The following ASIC2 variants were observed in gnomAD, a reference collection of about 807,000 sequenced individuals.
ASIC2 encodes the protein acid-sensing ion channel 2.
In ASIC2, 25 loss-of-function variants were observed where a neutral mutation model predicts 57.3. The observed-to-expected ratio is 0.44, with a 90% CI of 0.32 to 0.61. The LOEUF is 0.61. ASIC2 is among the 20% of genes least tolerant of loss of function. The probability of loss-of-function intolerance (pLI) is 0.06; values close to 1 mark genes in which losing one functional copy is unlikely to be tolerated. For missense variants in ASIC2, 641 were observed against 738.1 expected, an observed-to-expected ratio of 0.87 and a Z score of 1.52; for synonymous variants, 319 against 307.5, an observed-to-expected ratio of 1.04 and a Z score of -0.39.
intron 1 of ASIC2, among the ~76,000 whole-genome samples, chr17:33,799,438 CTTTCTTTCTTTCT>C (rs1912049882): frequency 3.5e-4 from 16 of 46,088 alleles, no homozygotes; most frequent in African/African-American, 1.0e-3. Flanking sequence ...TTCTTTCTTT[CTTTCTTTCTTTCT>C]TTCTTTCTTT....
Position 33,766,616 on chromosome 17 carries a change from T to C in ASIC2, c.555+389362A>G, listed in dbSNP as rs141770116. ...ACATATCTGCATGTGTAATGTAGCA[T>C]CCTAAATGTGGGATTATTATTATTA... On this transcript the variant is annotated intron_variant, in intron 1 of 9. Coordinates refer to the ASIC2 transcript ENST00000359872. Among the ~76,000 whole-genome samples, 1,275 of 152,340 alleles carry C rather than the reference T, an allele frequency of 8.4e-3. 15 individuals carry two copies. The highest frequency in any genetic ancestry group is 0.029 in the African/African-American group (1,193 of 41,562).
chr17:33,533,252 AG>A (rs1915112568), intron 1 of ASIC2, among the ~76,000 whole-genome samples: 1 of 152,190 alleles, frequency 6.6e-6, no homozygotes, highest in Non-Finnish European at 1.5e-5. Context: ...AGGCTGAGGC[AG>A]GAGAATCGCT....
chr17:33,353,391 C>A (rs1236055034), intron 1 of ASIC2, among the ~76,000 whole-genome samples: 1 of 152,140 alleles, frequency 6.6e-6, no homozygotes, highest in Non-Finnish European at 1.5e-5. Context: ...GGCTGGAGTG[C>A]AGTGGTGCAA....
At chr17:34,078,636 G>T (rs1055416415) in intron 1 of ASIC2, among the ~76,000 whole-genome samples, 12 of 152,166 alleles carry the variant, frequency 7.9e-5, no homozygotes, top group African/African-American at 2.9e-4. Context: ...GAAACATGGG[G>T]ATGGGGCTGG....
chr17:33,879,519 T>C (rs1441299066), intron 1 of ASIC2, among the ~76,000 whole-genome samples: 1 of 152,158 alleles, frequency 6.6e-6, no homozygotes, highest in Non-Finnish European at 1.5e-5. Flanking sequence ...GGCCATTACA[T>C]AATGGTAAAG....
chr17:33,299,103 T>A (rs1905842332), intron 1 of ASIC2, among the ~76,000 whole-genome samples: 1 of 152,178 alleles, frequency 6.6e-6, no homozygotes, highest in African/African-American at 2.4e-5. Context: ...AAAGTTCATA[T>A]GGAACCAAAA....
intron 1 of ASIC2, among the ~76,000 whole-genome samples, chr17:33,348,336 A>ATG (rs1007627685): frequency 6.6e-6 from 1 of 151,920 alleles, no homozygotes; most frequent in Admixed American, 6.6e-5. Flanking sequence ...CTGCGTGTGT[A>ATG]TGTGTGTGTG....
At position 33,639,414 on chromosome 17, in the gene ASIC2, C is replaced by G. The variant is rs1180596482; in HGVS notation, c.555+516564G>C. 3.3e-5 allele frequency among the ~76,000 whole-genome samples: 5 copies of G among 152,178 alleles called. No individual in the cohort carries two copies. The East Asian group carries it at 9.6e-4, about 29-fold the overall frequency. On this transcript the variant is annotated intron_variant, in intron 1 of 9. Transcript: ENST00000359872. ...CCATGGTCCATGTGAACTTTTTACT[C>G]TTTTTCTTCGTTCCAAATCTTCCCT... is the stretch of plus-strand genomic sequence containing the variant.
At chr17:33,168,088 C>G (rs1905372304) in intron 1 of ASIC2, among the ~76,000 whole-genome samples, 1 of 152,240 alleles carries the variant, frequency 6.6e-6, no homozygotes, top group African/African-American at 2.4e-5. Context: ...GTCCTACTTT[C>G]TTTCTCTGTC....
At chr17:33,322,654 C>A (rs1906915783) in intron 1 of ASIC2, among the ~76,000 whole-genome samples, 1 of 152,160 alleles carries the variant, frequency 6.6e-6, no homozygotes, top group Non-Finnish European at 1.5e-5. Context: ...GGTTCAGACC[C>A]AATACCTCCT....
At chr17:33,850,727 G>A (rs1393739637) in intron 1 of ASIC2, among the ~76,000 whole-genome samples, 1 of 152,146 alleles carries the variant, frequency 6.6e-6, no homozygotes, top group Non-Finnish European at 1.5e-5. Context: ...TCTATCTGCT[G>A]TTTCAGGTGC....
intron 1 of ASIC2, among the ~76,000 whole-genome samples, chr17:33,451,213 C>T (rs1912236567): frequency 6.6e-6 from 1 of 152,048 alleles, no homozygotes; most frequent in South Asian, 2.1e-4. Flanking sequence ...CCCACCACTA[C>T]ACCTGGCTAA....
intron 1 of ASIC2, among the ~76,000 whole-genome samples, chr17:33,444,861 A>G (rs1202317463): frequency 1.3e-5 from 2 of 152,170 alleles, no homozygotes; most frequent in Admixed American, 6.5e-5. Flanking sequence ...GACGGTTGGC[A>G]GGTTATAGCC....
chr17:33,080,790 T>C (rs2092110186), intron 3 of ASIC2, among the ~76,000 whole-genome samples: 1 of 152,040 alleles, frequency 6.6e-6, no homozygotes, highest in Non-Finnish European at 1.5e-5. Flanking sequence ...AGGCGGGCAG[T>C]GTATGTATGC....
intron 1 of ASIC2, among the ~76,000 whole-genome samples, chr17:33,186,533 G>A (rs982171796): frequency 6.6e-6 from 1 of 152,196 alleles, no homozygotes; most frequent in Non-Finnish European, 1.5e-5. Flanking sequence ...AAATTCGAGA[G>A]ATTTTCTTAT....
chr17:33,549,586 T>C (rs912851940), intron 1 of ASIC2, among the ~76,000 whole-genome samples: 4 of 152,202 alleles, frequency 2.6e-5, no homozygotes, highest in East Asian at 1.9e-4. Context: ...TTAGCCTAGA[T>C]TGTGGCTGAC....
chr17:33,619,445 C>T (rs1041989094), intron 1 of ASIC2, among the ~76,000 whole-genome samples: 2 of 152,074 alleles, frequency 1.3e-5, no homozygotes, highest in South Asian at 2.1e-4. Context: ...TCTGAGGTAG[C>T]GGCTGCTTTG....
chr17:33,630,369 C>G (rs970503388), intron 1 of ASIC2, among the ~76,000 whole-genome samples: 1 of 152,146 alleles, frequency 6.6e-6, no homozygotes, highest in Admixed American at 6.5e-5. Flanking sequence ...CAGTGACCAC[C>G]TACTCAGCTT....
intron 1 of ASIC2, among the ~76,000 whole-genome samples, chr17:33,846,263 G>T (rs1352783654): frequency 6.6e-6 from 1 of 152,154 alleles, no homozygotes; most frequent in Non-Finnish European, 1.5e-5. Flanking sequence ...CCTGTGAGAG[G>T]AAATTCAGCT....
Sources: allele counts gnomAD v4.1 joint callset (sites outside exome capture counted in the v4.1 genomes callset), GRCh38; gene constraint gnomAD v4.1.1; transcripts MANE v1.5; gene names NCBI Gene and HGNC (gene_info 2026-07-23, HGNC 2026-07-21).